FARP1: variants seen among roughly 807,000 people sequenced by gnomAD.
FARP1 encodes FERM, ARHGEF and pleckstrin domain-containing protein 1.
In FARP1, 52 loss-of-function variants were observed where a neutral mutation model predicts 128.8. The observed-to-expected ratio is 0.40, with a 90% confidence interval of 0.32 to 0.51. The LOEUF (loss-of-function observed/expected upper bound fraction) is 0.51. Ranked by LOEUF, FARP1 falls within the 20% of genes least tolerant of loss-of-function variation. The probability of loss-of-function intolerance (pLI) is 0.45; values close to 1 mark genes in which losing one functional copy is unlikely to be tolerated. For missense variants in FARP1, 1,333 were observed against 1,367.9 expected, an observed-to-expected ratio of 0.97 and a Z score of 0.40; for synonymous variants, 580 against 551.8, an observed-to-expected ratio of 1.05 and a Z score of -0.72.
intron 2 of FARP1, among the ~76,000 whole-genome samples, chr13:98,275,339 GA>G (rs1566822119): frequency 2.6e-5 from 1 of 37,776 alleles, no homozygotes; most frequent in African/African-American, 8.4e-5. Context: ...TGGGTAAGGA[GA>G]GAGAGAGAGA....
Position 98,437,703 on chromosome 13 carries a change from GAAGA to G in FARP1, c.2275-1097_2275-1094del. 3.6e-6 allele frequency: 3 copies of G among 826,696 alleles called. No homozygotes were observed. The Middle Eastern group carries it at 1.0e-3, about 282-fold the overall frequency. 51.2% of individuals were successfully genotyped at this position (826,696 alleles called of 1,614,324 possible). A position where few individuals can be genotyped will look rare whatever the true frequency, so the allele number is the denominator to read the frequency against. ...GCAGGAGGGCTGTGTCCTGGACCGT[GAAGA>G]AAGGCAGACCTGTATAGCTTCTCCG... On this transcript the variant is annotated intron_variant, in intron 19 of 26. Coordinates refer to ENST00000319562, the MANE Select transcript of FARP1 (RefSeq NM_005766.4).
At chr13:98,201,391 G>A (rs1299918360) in intron 1 of FARP1, among the ~76,000 whole-genome samples, 2 of 152,242 alleles carry the variant, frequency 1.3e-5, no homozygotes. Context: ...ACAGTGAGCA[G>A]TGAGCTGAGA....
Position 98,409,335 on chromosome 13 carries a change from C to T in FARP1, c.1415-3C>T, listed in dbSNP as rs1483942289. ...TTCTTTAAAACTTCTCATCCCCAAA[C>T]AGGCTCCCTGACTGGCAGTCCTCAC... On this transcript the variant is annotated splice_polypyrimidine_tract_variant and splice_region_variant and intron_variant, in intron 13 of 26. Coordinates refer to ENST00000319562, the MANE Select transcript of FARP1 (RefSeq NM_005766.4). The T allele has an allele frequency of 3.8e-6, 6 of 1,588,954 alleles. No individual in the cohort carries two copies. Among genetic ancestry groups the T allele is most frequent in the Non-Finnish European group, 5.2e-6 (6 of 1,164,220 alleles).
intron 9 of FARP1, chr13:98,389,396 A>G (rs1193751739): frequency 1.3e-5 from 2 of 152,952 alleles, no homozygotes; most frequent in African/African-American, 2.4e-5. Flanking sequence ...AAATTTCTAT[A>G]TCCCCTTTCC....
intron 2 of FARP1, among the ~76,000 whole-genome samples, chr13:98,255,255 T>C (rs1883527290): frequency 6.6e-6 from 1 of 152,112 alleles, no homozygotes; most frequent in South Asian, 2.1e-4. Context: ...ATCCCAGCAC[T>C]TTGGGAGGTG....
intron 2 of FARP1, among the ~76,000 whole-genome samples, chr13:98,216,082 C>A (rs1349814380): frequency 1.3e-5 from 2 of 152,208 alleles, no homozygotes; most frequent in South Asian, 2.1e-4. Flanking sequence ...AGCCATCACA[C>A]CTGGCCATAT....
rs1337299088 is a variant in FARP1, at chr13:98,440,787, G to A, written c.2747G>A (p.Trp916Ter). ...HRGNTMVHVC[W>*]HRNTSVSMVD... ...GGCAACACAATGGTGCACGTGTGCT[G>A]GCACCGCAACACCAGCGTCTCCATG... The change falls in exon 24 of 27, where the codon TGG becomes TAG. Residue 916 changes from tryptophan to a stop codon, truncating the protein, a stop_gained. Transcript: ENST00000319562. LOFTEE classifies it high-confidence loss of function. The A allele has an allele frequency of 6.2e-7, 1 of 1,612,766 alleles. No homozygotes were observed. The highest frequency in any genetic ancestry group is 8.5e-7 in the Non-Finnish European group (1 of 1,179,854).
At position 98,192,000 on chromosome 13, in the gene FARP1, C is replaced by T. The variant is rs182392574; in HGVS notation, c.-23-21220C>T. Among the ~76,000 whole-genome samples the T allele has an allele frequency of 3.3e-5, 5 of 152,032 alleles. No individual in the cohort carries two copies. The East Asian group carries it at 9.7e-4, about 29-fold the overall frequency. ...TTTTAGAGAAAAATGACTTGTAGTC[C>T]CGAAACCCCAGCAAGTCAAATTCTT... is the stretch of plus-strand genomic sequence containing the variant. On this transcript the variant is annotated intron_variant, in intron 1 of 26. Coordinates refer to ENST00000319562, the MANE Select transcript of FARP1 (RefSeq NM_005766.4).
chr13:98,400,598 A>G (rs1446071192), intron 13 of FARP1: 1 of 152,222 alleles, frequency 6.6e-6, no homozygotes. Context: ...TATCAGGTTT[A>G]TGTTGGTTTT....
chr13:98,203,343 G>C (rs1347221140), intron 1 of FARP1, among the ~76,000 whole-genome samples: 1 of 152,174 alleles, frequency 6.6e-6, no homozygotes, highest in Non-Finnish European at 1.5e-5. Flanking sequence ...CCACGGTCCA[G>C]TTTCAGAACA....
chr13:98,294,932 G>T (rs1885595538), intron 2 of FARP1, among the ~76,000 whole-genome samples: 1 of 151,502 alleles, frequency 6.6e-6, no homozygotes, highest in African/African-American at 2.4e-5. Context: ...CAGGATAATC[G>T]CTTGATCCCG....
At chr13:98,240,417 A>C (rs872606) in intron 2 of FARP1, among the ~76,000 whole-genome samples, 65,463 of 151,744 alleles carry the variant, frequency 0.43, 14,292 homozygotes, top group East Asian at 0.63. Context: ...CAGTTTATTG[A>C]AACCTGACTT....
chr13:98,248,846 G>C (rs1266234051), intron 2 of FARP1, among the ~76,000 whole-genome samples: 2 of 151,960 alleles, frequency 1.3e-5, no homozygotes, highest in Non-Finnish European at 2.9e-5. Context: ...GTTTAAAATG[G>C]CTCTGAAGTG....
intron 2 of FARP1, among the ~76,000 whole-genome samples, chr13:98,267,598 C>T (rs1460666590): frequency 6.6e-6 from 1 of 152,210 alleles, no homozygotes; most frequent in Non-Finnish European, 1.5e-5. Flanking sequence ...AATGTTCCAG[C>T]CCCGTAGGTC....
intron 26 of FARP1, 177 bp from the exon 27 acceptor site, chr13:98,448,059 T>C: frequency 1.6e-6 from 1 of 628,062 alleles, no homozygotes; most frequent in South Asian, 1.9e-5. Flanking sequence ...GGCCAGTGGG[T>C]CTCCACTGTA....
At chr13:98,211,130 G>A (rs1880679026) in intron 1 of FARP1, among the ~76,000 whole-genome samples, 1 of 152,156 alleles carries the variant, frequency 6.6e-6, no homozygotes, top group African/African-American at 2.4e-5. Flanking sequence ...CCTGCTGCCT[G>A]CAGGGTAAAG....
At position 98,417,494 on chromosome 13, in the gene FARP1, G is replaced by A. The variant is rs1057399273; in HGVS notation, c.1826+5460G>A. Among the ~76,000 whole-genome samples the A allele has an allele frequency of 4.1e-4, 58 of 142,710 alleles. 2 individuals carry two copies. The highest frequency in any genetic ancestry group is 1.5e-4 in the Non-Finnish European group (10 of 66,518). The allele number at this position is 142,710 out of a possible 152,430, so 93.6% of individuals were successfully genotyped here. ...AAAAAAAAAAAAAAAAGAACACATG[G>A]GGGTGGAGGGTCCAGAAGATAGCCG... is the stretch of plus-strand genomic sequence containing the variant. On this transcript the variant is annotated intron_variant, in intron 16 of 26. Transcript: ENST00000319562.
intron 5 of FARP1, among the ~76,000 whole-genome samples, chr13:98,375,083 C>A (rs1889524172): frequency 1.3e-5 from 2 of 152,330 alleles, no homozygotes; most frequent in South Asian, 4.1e-4. Context: ...ACAGGAAATT[C>A]ATTCTAGGGC....
intron 17 of FARP1, among the ~76,000 whole-genome samples, chr13:98,427,777 G>A (rs905204699): frequency 1.3e-5 from 2 of 152,220 alleles, no homozygotes; most frequent in Non-Finnish European, 2.9e-5. Context: ...TTCCCCTGCT[G>A]TGCTGGCATC....
Sources: gnomAD v4.1 joint callset for allele counts (sites outside exome capture counted in the v4.1 genomes callset) on GRCh38, gnomAD v4.1.1 for gene constraint, MANE v1.5 for transcripts, NCBI Gene and HGNC (gene_info 2026-07-23, HGNC 2026-07-21) for gene names.